DNER: variants seen among roughly 807,000 people sequenced by gnomAD.
The protein encoded by DNER is delta/notch like EGF repeat containing, also known as delta and Notch-like epidermal growth factor-related receptor.
DNER carries 33 observed loss-of-function variants against 78.2 expected under a neutral mutation model. That is an observed-to-expected ratio of 0.42 (90% CI 0.32 to 0.56). The LOEUF is 0.56. DNER is among the 20% of genes least tolerant of loss of function. The probability of loss-of-function intolerance (pLI) is 0.11; values close to 1 mark genes in which losing one functional copy is unlikely to be tolerated. For missense variants in DNER, 918 were observed against 975.3 expected, an observed-to-expected ratio of 0.94 and a Z score of 0.78; for synonymous variants, 417 against 384.8, an observed-to-expected ratio of 1.08 and a Z score of -0.98.
At chr2:229,557,246 T>C (rs1182862318) in intron 4 of DNER, among the ~76,000 whole-genome samples, 1 of 152,232 alleles carries the variant, frequency 6.6e-6, no homozygotes, top group African/African-American at 2.4e-5. Context: ...CTCAAACTGA[T>C]AGACACTTCC....
intron 10 of DNER, among the ~76,000 whole-genome samples, chr2:229,391,558 T>C (rs770197724): frequency 1.3e-5 from 2 of 152,186 alleles, no homozygotes; most frequent in Non-Finnish European, 2.9e-5. Context: ...TCTTTTTTTT[T>C]GAGACAAAAA....
In DNER at chr2:229,393,797, G is replaced by A. The variant is rs368545057; in HGVS notation, c.1724-5401C>T. 7.3e-5 allele frequency among the ~76,000 whole-genome samples: 11 copies of A among 151,144 alleles called. No individual in the cohort carries two copies. The East Asian group carries it at 1.2e-3, about 16-fold the overall frequency. Reference sequence around the variant, plus strand: ...GGGAGTTGGAGCTTGCAGTGAGCCGGGTTCATGCCACTGCACTCCAGCCTG... The same window carrying A: ...GGGAGTTGGAGCTTGCAGTGAGCCGAGTTCATGCCACTGCACTCCAGCCTG... On this transcript the variant is annotated intron_variant, in intron 10 of 12. Coordinates refer to ENST00000341772, the MANE Select transcript of DNER (RefSeq NM_139072.4).
At chr2:229,639,412 GC>G (rs1372760234) in intron 1 of DNER, among the ~76,000 whole-genome samples, 1 of 152,090 alleles carries the variant, frequency 6.6e-6, no homozygotes, top group Non-Finnish European at 1.5e-5. Flanking sequence ...CCATCACCAC[GC>G]CTGGCTAACT....
chr2:229,621,408 A>G (rs1268317322), intron 1 of DNER, among the ~76,000 whole-genome samples: 1 of 152,094 alleles, frequency 6.6e-6, no homozygotes, highest in African/African-American at 2.4e-5. Flanking sequence ...GCTGGCCCCG[A>G]TGCTACTTCC....
chr2:229,388,773 C>T (rs1056838966), intron 10 of DNER, among the ~76,000 whole-genome samples: 2 of 150,890 alleles, frequency 1.3e-5, no homozygotes, highest in African/African-American at 4.9e-5. Flanking sequence ...AAAGTGAAGT[C>T]GGGATCTTGA....
chr2:229,673,954 G>A (rs188883943), intron 1 of DNER, among the ~76,000 whole-genome samples: 2 of 152,336 alleles, frequency 1.3e-5, no homozygotes, highest in East Asian at 3.9e-4. Flanking sequence ...AGGAGAGAGA[G>A]GACAGGTATT....
rs190734816 is a variant in DNER, at chr2:229,439,122, T to A, written c.1486+8194A>T. Among the ~76,000 whole-genome samples the A allele has an allele frequency of 1.4e-4, 21 of 152,282 alleles. No homozygotes were observed. The East Asian group carries it at 3.9e-3, about 28-fold the overall frequency. On this transcript the variant is annotated intron_variant, in intron 8 of 12. Transcript: ENST00000341772. ...AGAGCTTTGCCCAGCATCTGGCACT[T>A]AAATAGTTATCACCGGAGTCACAGA...
At chr2:229,372,833 AGG>A (rs1692516398) in intron 11 of DNER, among the ~76,000 whole-genome samples, 1 of 152,018 alleles carries the variant, frequency 6.6e-6, no homozygotes, top group Non-Finnish European at 1.5e-5. Context: ...GTGCTGTGTT[AGG>A]GGGGAATCAA....
intron 4 of DNER, among the ~76,000 whole-genome samples, chr2:229,583,196 CA>C (rs1697432561): frequency 6.6e-6 from 1 of 152,200 alleles, no homozygotes; most frequent in African/African-American, 2.4e-5. Flanking sequence ...TGAACTTATA[CA>C]GATGCTCCTC....
At chr2:229,459,877 G>A (rs1694654690) in intron 7 of DNER, among the ~76,000 whole-genome samples, 1 of 151,758 alleles carries the variant, frequency 6.6e-6, no homozygotes, top group Non-Finnish European at 1.5e-5. Context: ...AAAAAAAGAG[G>A]CCGGGCACGG....
At chr2:229,437,290 C>T (rs1169565841) in intron 8 of DNER, among the ~76,000 whole-genome samples, 2 of 152,230 alleles carry the variant, frequency 1.3e-5, no homozygotes, top group Admixed American at 6.5e-5. Context: ...ATGTATCAAT[C>T]TGCTTCAGGC....
rs1471704453 is a variant in DNER, at chr2:229,434,923, TATACACAC to T, written c.1486+12385_1486+12392del. Among the ~76,000 whole-genome samples, 5 of 108,980 alleles carry T rather than the reference TATACACAC, an allele frequency of 4.6e-5. No individual in the cohort carries two copies. The South Asian group carries it at 1.9e-3, about 42-fold the overall frequency. 71.5% of individuals were successfully genotyped at this position (108,980 alleles called of 152,430 possible). ...TAGAGACAATTTATATATATATATA[TATACACAC>T]ACACACACACACACACACGTGCACA... On this transcript the variant is annotated intron_variant, in intron 8 of 12. Coordinates refer to ENST00000341772, the MANE Select transcript of DNER (RefSeq NM_139072.4).
intron 6 of DNER, among the ~76,000 whole-genome samples, chr2:229,492,550 A>G (rs1695423711): frequency 6.6e-6 from 1 of 152,230 alleles, no homozygotes; most frequent in Non-Finnish European, 1.5e-5. Flanking sequence ...GGTTTCCCCC[A>G]TGAGCTTTGT....
At chr2:229,419,319 G>C (rs778442690) in intron 8 of DNER, among the ~76,000 whole-genome samples, 1 of 152,190 alleles carries the variant, frequency 6.6e-6, no homozygotes, top group African/African-American at 2.4e-5. Flanking sequence ...AATTTGCAGT[G>C]AAACCAGGCC....
intron 6 of DNER, among the ~76,000 whole-genome samples, chr2:229,489,702 C>T (rs1695356187): frequency 6.6e-6 from 1 of 151,500 alleles, no homozygotes; most frequent in South Asian, 2.1e-4. Context: ...CAGAGGAGAG[C>T]AGCTGAAGAG....
intron 8 of DNER, among the ~76,000 whole-genome samples, chr2:229,433,131 G>C (rs1445212466): frequency 6.6e-6 from 1 of 152,118 alleles, no homozygotes; most frequent in African/African-American, 2.4e-5. Flanking sequence ...GGAGAGACAG[G>C]GTTTCACCAT....
At chr2:229,504,313 G>C (rs948971766) in intron 6 of DNER, among the ~76,000 whole-genome samples, 2 of 152,062 alleles carry the variant, frequency 1.3e-5, no homozygotes, top group South Asian at 2.1e-4. Context: ...TCTGCCTCCC[G>C]GGTTCAAGCG....
intron 6 of DNER, among the ~76,000 whole-genome samples, chr2:229,488,002 T>C (rs7570424): frequency 0.13 from 19,029 of 152,200 alleles, 1,335 homozygotes; most frequent in South Asian, 0.2. Flanking sequence ...AGTAGAGGCA[T>C]GGTAACGATG....
chr2:229,673,026 C>G (rs533205914), intron 1 of DNER, among the ~76,000 whole-genome samples: 34 of 152,314 alleles, frequency 2.2e-4, no homozygotes, highest in Middle Eastern at 3.4e-3. Context: ...GACCCACGCA[C>G]ACTGTTCCAC....
Sources: allele counts gnomAD v4.1 joint callset (sites outside exome capture counted in the v4.1 genomes callset), GRCh38; gene constraint gnomAD v4.1.1; transcripts MANE v1.5; gene names NCBI Gene and HGNC (gene_info 2026-07-23, HGNC 2026-07-21).